The following TMOD2 variants were observed in gnomAD, a reference collection of about 807,000 sequenced individuals.
The protein encoded by TMOD2 is tropomodulin-2.
Under a neutral mutation model 39.9 loss-of-function variants are expected in TMOD2, and 22 were observed. The observed-to-expected ratio is 0.55, with a 90% CI of 0.39 to 0.79. The LOEUF is 0.79. Among genes scored for constraint, TMOD2 ranks in the 30% least tolerant of loss-of-function variants. The pLI is 0.00. For synonymous variants in TMOD2, 123 were observed against 146.1 expected (o/e 0.84, Z 1.14); for missense variants, 386 against 413.3 (o/e 0.93, Z 0.57).
Position 51,814,946 on chromosome 15 carries a change from T to C in TMOD2, c.*6492T>C, listed in dbSNP as rs1199526960. ...AGAATGGTTCTGGATAAGCGGCCTT[T>C]TCTGAAAGGATATTTAAAAATATAT... On this transcript the variant is annotated 3_prime_UTR_variant, in exon 10 of 10. Coordinates refer to ENST00000249700, the MANE Select transcript of TMOD2 (RefSeq NM_014548.4). 1 of 152,222 alleles carries C rather than the reference T, an allele frequency of 6.6e-6. No individual in the cohort carries two copies. Among genetic ancestry groups the C allele is most frequent in the Non-Finnish European group, 1.5e-5 (1 of 68,050 alleles). The allele number at this position is 152,222 out of a possible 1,614,324, so 9.4% of individuals were successfully genotyped here. A position where few individuals can be genotyped will look rare whatever the true frequency, so the allele number is the denominator to read the frequency against.
intron 8 of TMOD2, among the ~76,000 whole-genome samples, chr15:51,801,237 T>TCTCTCACA (rs1491214017): frequency 3.3e-4 from 34 of 102,136 alleles, no homozygotes; most frequent in African/African-American, 6.8e-4. Flanking sequence ...TCTCTCTCTC[T>TCTCTCACA]CACACACACA....
rs1195778608 is a variant in TMOD2, at chr15:51,810,105, T to C, written c.*1651T>C. ...TAATTAGTTTATGGCTTCATCTCCTTATCTATTTAAAAAACATAGTAAATA... is the reference window on the plus strand; with the variant it reads ...TAATTAGTTTATGGCTTCATCTCCTCATCTATTTAAAAAACATAGTAAATA... On this transcript the variant is annotated 3_prime_UTR_variant, in exon 10 of 10. Transcript: ENST00000249700. 2 of 150,204 alleles carry C rather than the reference T, an allele frequency of 1.3e-5. No individual in the cohort carries two copies. The highest frequency in any genetic ancestry group is 4.9e-5 in the African/African-American group (2 of 40,834). 9.3% of individuals were successfully genotyped at this position (150,204 alleles called of 1,614,324 possible). A position where few individuals can be genotyped will look rare whatever the true frequency, so the allele number is the denominator to read the frequency against.
intron 1 of TMOD2, among the ~76,000 whole-genome samples, chr15:51,761,249 G>T (rs1375351043): frequency 7.9e-6 from 1 of 126,544 alleles, no homozygotes; most frequent in Admixed American, 8.4e-5. Context: ...AAGGGGTGGT[G>T]TGAAAAATGT....
rs748565663 is a variant in TMOD2 at position 51,782,777 on chromosome 15, C to G, written c.681C>G (p.His227Gln). ...CAAAGGCTCTGGAGACCAACACTCACGTGAAGAAGTTCAGCCTGGCCGCAA... is the reference window on the plus strand; with the variant it reads ...CAAAGGCTCTGGAGACCAACACTCAGGTGAAGAAGTTCAGCCTGGCCGCAA... ...EFAKALETNT[H>Q]VKKFSLAATR... The change falls in exon 7 of 10, where the codon CAC becomes CAG. Residue 227 changes from histidine to glutamine, a missense_variant. Transcript: ENST00000249700. 3 of 1,613,940 alleles carry G rather than the reference C, an allele frequency of 1.9e-6. No individual in the cohort carries two copies. Among genetic ancestry groups the G allele is most frequent in the East Asian group, 2.2e-5 (1 of 44,894 alleles).
At chr15:51,761,724 TA>T (rs74717096) in intron 1 of TMOD2, among the ~76,000 whole-genome samples, 483 of 138,660 alleles carry the variant, frequency 3.5e-3, no homozygotes, top group East Asian at 3.5e-3. Flanking sequence ...ACCCTGTCTT[TA>T]AAAAAAAAAA....
intron 8 of TMOD2, among the ~76,000 whole-genome samples, chr15:51,803,059 A>G (rs760812221): frequency 6.6e-6 from 1 of 152,212 alleles, no homozygotes; most frequent in African/African-American, 2.4e-5. Context: ...GCACAAAAAT[A>G]TACTAGCAGA....
At chr15:51,778,273 G>C (rs537050078) in intron 5 of TMOD2, among the ~76,000 whole-genome samples, 1 of 145,004 alleles carries the variant, frequency 6.9e-6, no homozygotes, top group South Asian at 2.2e-4. Context: ...ACTCATAGAT[G>C]GGAATTGAAC....
chr15:51,793,470 T>G (rs1595875394), intron 7 of TMOD2, among the ~76,000 whole-genome samples: 1 of 152,240 alleles, frequency 6.6e-6, no homozygotes, highest in East Asian at 1.9e-4. Context: ...ACATTTCTCA[T>G]GGCTACCATT....
intron 3 of TMOD2, among the ~76,000 whole-genome samples, chr15:51,771,149 T>A (rs1954890452): frequency 6.6e-6 from 1 of 152,218 alleles, no homozygotes; most frequent in Non-Finnish European, 1.5e-5. Context: ...GGGTATACAG[T>A]TGCATAGTGT....
Position 51,815,338 on chromosome 15 carries a change from C to G in TMOD2, c.*6884C>G, listed in dbSNP as rs1376281974. 1 of 152,284 alleles carries G rather than the reference C, an allele frequency of 6.6e-6. No homozygotes were observed. Among genetic ancestry groups the G allele is most frequent in the Non-Finnish European group, 1.5e-5 (1 of 68,154 alleles). 9.4% of individuals were successfully genotyped at this position (152,284 alleles called of 1,614,324 possible). A position where few individuals can be genotyped will look rare whatever the true frequency, so the allele number is the denominator to read the frequency against. ...AGAAGAGGGAAGGCAAAGAAAGAAA[C>G]TGAGCATAGTAAACACAGCATTTTT... On this transcript the variant is annotated 3_prime_UTR_variant, in exon 10 of 10. Transcript: ENST00000249700.
At chr15:51,801,093 C>T (rs2056084117) in intron 8 of TMOD2, among the ~76,000 whole-genome samples, 1 of 152,100 alleles carries the variant, frequency 6.6e-6, no homozygotes, top group South Asian at 2.1e-4. Context: ...AATCCCAATG[C>T]ATTGCAAGAA....
chr15:51,776,816 G>T (rs1218058777), intron 4 of TMOD2, 116 bp from the exon 5 acceptor site: 1 of 800,938 alleles, frequency 1.2e-6, no homozygotes. Context: ...CAAGGAAAGA[G>T]GACTCAGGGA....
chr15:51,801,416 T>C (rs149393368), intron 8 of TMOD2, among the ~76,000 whole-genome samples: 40 of 152,314 alleles, frequency 2.6e-4, no homozygotes, highest in African/African-American at 8.9e-4. Context: ...ATTGTGTTCA[T>C]TGACTCATAG....
At chr15:51,771,702 C>G (rs1382324261) in intron 3 of TMOD2, among the ~76,000 whole-genome samples, 20 of 152,150 alleles carry the variant, frequency 1.3e-4, no homozygotes, top group Admixed American at 1.2e-3. Flanking sequence ...CTTATTTTGA[C>G]TCTAGACCTA....
Position 51,808,508 on chromosome 15 carries a change from A to T in TMOD2, c.*54A>T. On this transcript the variant is annotated 3_prime_UTR_variant, in exon 10 of 10. Transcript: ENST00000249700. The stretch of plus-strand genomic sequence containing the variant: ...TGTGGTATGGCCATTGAAAAACAAA[A>T]ACTCTTCTTCTTCCCCATCAGGACC... The T allele has an allele frequency of 6.7e-7, 1 of 1,495,860 alleles. No individual in the cohort carries two copies. Among genetic ancestry groups the T allele is most frequent in the South Asian group, 1.2e-5 (1 of 82,840 alleles). The allele number at this position is 1,495,860 out of a possible 1,614,324, so 92.7% of individuals were successfully genotyped here. A position where few individuals can be genotyped will look rare whatever the true frequency, so the allele number is the denominator to read the frequency against.
intron 4 of TMOD2, among the ~76,000 whole-genome samples, chr15:51,774,234 G>A (rs1289191966): frequency 1.3e-5 from 2 of 152,074 alleles, no homozygotes; most frequent in Admixed American, 6.6e-5. Flanking sequence ...TTCAGAAAAC[G>A]CTAAGAAGTC....
intron 5 of TMOD2, among the ~76,000 whole-genome samples, chr15:51,780,504 A>T (rs762081470): frequency 6.6e-6 from 1 of 152,136 alleles, no homozygotes; most frequent in Admixed American, 6.5e-5. Context: ...TGGGATATTA[A>T]TCCTTTGTAT....
At chr15:51,765,398 G>A (rs993664013) in intron 1 of TMOD2, among the ~76,000 whole-genome samples, 3 of 152,186 alleles carry the variant, frequency 2.0e-5, no homozygotes, top group African/African-American at 7.2e-5. Context: ...GATCTTCTTG[G>A]GGAAAGGTGG....
At chr15:51,755,007 G>A (rs944718551) in intron 1 of TMOD2, among the ~76,000 whole-genome samples, 1 of 152,156 alleles carries the variant, frequency 6.6e-6, no homozygotes, top group South Asian at 2.1e-4. Flanking sequence ...TTACAGATTA[G>A]AATTCAAATT....
Sources: gnomAD v4.1 joint callset for allele counts (sites outside exome capture counted in the v4.1 genomes callset) on GRCh38, gnomAD v4.1.1 for gene constraint, MANE v1.5 for transcripts, NCBI Gene and HGNC (gene_info 2026-07-23, HGNC 2026-07-21) for gene names.